Variants in RINT1 observed in about 807,000 individuals in gnomAD.
The protein encoded by RINT1 is RAD50 interactor 1.
A neutral mutation model predicts 97.7 loss-of-function variants in RINT1; 75 were observed. The ratio of observed to expected loss-of-function variants is 0.77; its 90% confidence interval spans 0.64 to 0.93. RINT1 has a LOEUF of 0.93. RINT1 is among the 40% of genes least tolerant of loss of function. The probability of loss-of-function intolerance (pLI) is 0.00; values close to 1 mark genes in which losing one functional copy is unlikely to be tolerated. For synonymous variants in RINT1, 303 were observed against 326.3 expected, an observed-to-expected ratio of 0.93 and a Z score of 0.77; for missense variants, 892 against 925.2, an observed-to-expected ratio of 0.96 and a Z score of 0.47.
chr7:105,548,029 T>C (rs1790752065), intron 6 of RINT1, among the ~76,000 whole-genome samples: 1 of 150,740 alleles, frequency 6.6e-6, no homozygotes, highest in Admixed American at 6.6e-5. Context: ...ACCTGGCTCA[T>C]TTTTGTGCTT....
intron 10 of RINT1, among the ~76,000 whole-genome samples, chr7:105,553,881 C>T (rs1359704528): frequency 6.4e-5 from 9 of 140,212 alleles, no homozygotes; most frequent in Admixed American, 3.0e-4. Flanking sequence ...TCACCATACC[C>T]AGCTAATTTT....
At chr7:105,540,149 G>C (rs1183703944) in intron 3 of RINT1, among the ~76,000 whole-genome samples, 2 of 150,396 alleles carry the variant, frequency 1.3e-5, no homozygotes, top group African/African-American at 4.9e-5. Context: ...TGTGATCTCA[G>C]CTCACTGCTA....
At chr7:105,532,906 G>T (rs1267916654) in intron 2 of RINT1, 37 bp downstream of exon 2, 1 of 1,606,178 alleles carries the variant, frequency 6.2e-7, no homozygotes, top group Non-Finnish European at 8.5e-7. Flanking sequence ...TTTTCTTCCC[G>T]CCCAAACTCA....
chr7:105,564,242 C>G (rs1791583660), intron 12 of RINT1, among the ~76,000 whole-genome samples: 1 of 152,214 alleles, frequency 6.6e-6, no homozygotes, highest in Admixed American at 6.5e-5. Context: ...CATGCACCAC[C>G]ACACAAGGCT....
intron 3 of RINT1, 170 bp from the exon 4 acceptor site, chr7:105,542,238 G>A: frequency 1.7e-6 from 1 of 590,790 alleles, no homozygotes; most frequent in Non-Finnish European, 3.0e-6. Context: ...GGGAGGTTGA[G>A]GTGGGAGGAT....
chr7:105,549,545 C>T (rs1016345159), intron 7 of RINT1, among the ~76,000 whole-genome samples: 2 of 151,918 alleles, frequency 1.3e-5, no homozygotes, highest in Non-Finnish European at 2.9e-5. Context: ...GACGGGGTTT[C>T]ACCATGTTGA....
intron 11 of RINT1, among the ~76,000 whole-genome samples, chr7:105,561,540 AAAC>A (rs1342517599): frequency 6.6e-6 from 1 of 152,188 alleles, no homozygotes; most frequent in Non-Finnish European, 1.5e-5. Flanking sequence ...AAAATAAAAA[AAAC>A]AAGTAGATAG....
intron 2 of RINT1, among the ~76,000 whole-genome samples, chr7:105,535,364 G>A (rs2133354975): frequency 6.6e-6 from 1 of 151,488 alleles, no homozygotes; most frequent in South Asian, 2.1e-4. Context: ...CGAGTAGCTG[G>A]GACTATAAGC....
chr7:105,559,071 T>C (rs1025116355), intron 11 of RINT1, among the ~76,000 whole-genome samples: 13 of 152,282 alleles, frequency 8.5e-5, no homozygotes, highest in African/African-American at 2.9e-4. Context: ...GTTCAAATTG[T>C]GAATGAATTG....
At chr7:105,550,020 A>T (rs1049343878) in intron 7 of RINT1, 35 bp from the exon 8 acceptor site, 4 of 1,299,592 alleles carry the variant, frequency 3.1e-6, no homozygotes, top group Non-Finnish European at 4.4e-6. Flanking sequence ...AATTGGAATG[A>T]CTTAAGAATT....
chr7:105,559,364 A>C (rs967672437), intron 11 of RINT1, among the ~76,000 whole-genome samples: 3 of 152,028 alleles, frequency 2.0e-5, no homozygotes, highest in African/African-American at 7.2e-5. Context: ...AAGATGGTGA[A>C]ACCCCATCTC....
chr7:105,541,426 C>T (rs769725771), intron 3 of RINT1, among the ~76,000 whole-genome samples: 5 of 151,814 alleles, frequency 3.3e-5, no homozygotes, highest in Non-Finnish European at 7.4e-5. Flanking sequence ...TGTGAGCCAC[C>T]GTGCCCGGCC....
chr7:105,550,596 T>G, intron 9 of RINT1, 110 bp downstream of exon 9: 1 of 788,754 alleles, frequency 1.3e-6, no homozygotes, highest in Non-Finnish European at 2.1e-6. Flanking sequence ...CATTTGAAAT[T>G]TCCTTTTCAG....
Position 105,546,512 on chromosome 7 carries a change from CTT to C in RINT1, c.516-396_516-395del, listed in dbSNP as rs1212824613. On this transcript the variant is annotated intron_variant, in intron 4 of 14. Coordinates refer to ENST00000257700, the MANE Select transcript of RINT1 (RefSeq NM_021930.6). ...GTGCTTCATTCTTCCTTGGATGTAACTTTATATAAAACATGAAGAAGAAGCAC... is the reference window on the plus strand; with the variant it reads ...GTGCTTCATTCTTCCTTGGATGTAACTATATAAAACATGAAGAAGAAGCAC... Among the ~76,000 whole-genome samples the C allele has an allele frequency of 3.3e-5, 5 of 152,244 alleles. No individual in the cohort carries two copies. In the East Asian group the frequency reaches 9.6e-4, roughly 29 times the overall value.
intron 7 of RINT1, 104 bp downstream of exon 7, chr7:105,548,814 G>GTT: frequency 8.9e-7 from 1 of 1,117,452 alleles, no homozygotes; most frequent in Non-Finnish European, 1.3e-6. Context: ...TCACATTTCT[G>GTT]TTTTTTTTCT....
intron 4 of RINT1, among the ~76,000 whole-genome samples, chr7:105,545,450 TAA>T (rs886298162): frequency 3.0e-4 from 41 of 138,898 alleles, no homozygotes; most frequent in African/African-American, 9.8e-4. Flanking sequence ...GAGACTCTTT[TAA>T]AAAAAAAAAA....
chr7:105,532,400 C>A lies in RINT1; in HGVS notation c.42+43C>A, dbSNP rs1044217841. 17 of 1,581,292 alleles carry A rather than the reference C, an allele frequency of 1.1e-5. No individual in the cohort carries two copies. In the African/African-American group the frequency reaches 2.2e-4, roughly 20 times the overall value. On this transcript the variant is annotated intron_variant, in intron 1 of 14. Transcript: ENST00000257700. ...TCCCTGGGAGGGGACATTGGTGGCC[C>A]ATTGAGGTGGCACAGACCTCCCGGG...
At chr7:105,549,756 A>G (rs1404423655) in intron 7 of RINT1, among the ~76,000 whole-genome samples, 1 of 152,190 alleles carries the variant, frequency 6.6e-6, no homozygotes, top group Admixed American at 6.5e-5. Context: ...AGTTCTTTGT[A>G]ATACTCATCA....
chr7:105,533,923 C>G (rs1024221266), intron 2 of RINT1, among the ~76,000 whole-genome samples: 1 of 152,158 alleles, frequency 6.6e-6, no homozygotes, highest in Non-Finnish European at 1.5e-5. Context: ...TTCCACAGCT[C>G]AAACTGCTTT....
Sources: allele counts gnomAD v4.1 joint callset (sites outside exome capture counted in the v4.1 genomes callset), GRCh38; gene constraint gnomAD v4.1.1; transcripts MANE v1.5; gene names NCBI Gene and HGNC (gene_info 2026-07-23, HGNC 2026-07-21).